Variants in AIRE observed in about 807,000 individuals in gnomAD.
AIRE encodes the protein autoimmune regulator, also known as autoimmune polyendocrinopathy candidiasis ectodermal dystrophy protein.
Under a neutral mutation model 62.1 loss-of-function variants are expected in AIRE, and 52 were observed. The observed-to-expected ratio is 0.84, with a 90% CI of 0.67 to 1.06. AIRE has a LOEUF of 1.06. Ranked by LOEUF, AIRE falls within the 50% of genes least tolerant of loss-of-function variation. The pLI, the probability that AIRE is intolerant of heterozygous loss-of-function variation, is 0.00. For missense variants in AIRE, 774 were observed against 755.8 expected (o/e 1.02, Z -0.28); for synonymous variants, 342 against 321.6 (o/e 1.06, Z -0.68).
chr21:44,292,263 C>G, intron 8 of AIRE, 39 bp from the exon 9 acceptor site: 3 of 1,516,626 alleles, frequency 2.0e-6, no homozygotes, highest in Non-Finnish European at 2.7e-6. Flanking sequence ...CACCCGCTGT[C>G]TTGTTCTGCA....
chr21:44,294,696 A>G (rs2040587287), intron 12 of AIRE, among the ~76,000 whole-genome samples, 193 bp downstream of exon 12: 2 of 152,138 alleles, frequency 1.3e-5, no homozygotes. Flanking sequence ...GGCAACTTAA[A>G]TATAGTTAAA....
At position 44,286,431 on chromosome 21, in the gene AIRE, G is replaced by T; in HGVS notation, c.133-126G>T. The T allele has an allele frequency of 9.3e-7, 1 of 1,070,276 alleles. No homozygotes were observed. Among genetic ancestry groups the T allele is most frequent in the Non-Finnish European group, 1.3e-6 (1 of 742,928 alleles). 66.3% of individuals were successfully genotyped at this position (1,070,276 alleles called of 1,614,324 possible). A position where few individuals can be genotyped will look rare whatever the true frequency, so the allele number is the denominator to read the frequency against. On this transcript the variant is annotated intron_variant, in intron 1 of 13. Coordinates refer to ENST00000291582, the MANE Select transcript of AIRE (RefSeq NM_000383.4). This position sits in a 1 kb window ranked among gnomAD's most constrained non-coding sequence, Gnocchi z 6.0. The stretch of plus-strand genomic sequence containing the variant: ...TGACTCCACCACAAGCCGAGGAGAT[G>T]GGCGTGGAGCTGTCCAGGTCGCCAG...
In AIRE at chr21:44,287,726, G is replaced by T; in HGVS notation, c.538+135G>T. 1 of 951,542 alleles carries T rather than the reference G, an allele frequency of 1.1e-6. No homozygotes were observed. The allele number at this position is 951,542 out of a possible 1,614,324, so 58.9% of individuals were successfully genotyped here. Reference sequence around the variant, plus strand: ...GCTGGCCTGGTGTGTCATTCCAAGGGCCTAAGCTGCACCACCAGACCCAGG... The same window carrying T: ...GCTGGCCTGGTGTGTCATTCCAAGGTCCTAAGCTGCACCACCAGACCCAGG... On this transcript the variant is annotated intron_variant, in intron 4 of 13. Transcript: ENST00000291582. This position sits in a 1 kb window ranked among gnomAD's most constrained non-coding sequence, Gnocchi z 4.3.
chr21:44,293,448 C>G (rs563933852), intron 10 of AIRE, among the ~76,000 whole-genome samples: 4 of 152,044 alleles, frequency 2.6e-5, no homozygotes, highest in Non-Finnish European at 4.4e-5. Flanking sequence ...GAGCCCTCCC[C>G]TCCCTGCCTC....
intron 12 of AIRE, among the ~76,000 whole-genome samples, chr21:44,294,744 G>T (rs1285564092): frequency 2.6e-5 from 4 of 152,206 alleles, no homozygotes; most frequent in African/African-American, 9.7e-5. Context: ...CTGACGTCAC[G>T]GTTGGCTGTG....
At chr21:44,290,182 C>A in intron 7 of AIRE, 114 bp downstream of exon 7, 1 of 1,537,808 alleles carries the variant, frequency 6.5e-7, no homozygotes, top group East Asian at 2.4e-5. Context: ...GCCTGAGCCC[C>A]TACCCACAGG....
intron 12 of AIRE, 52 bp downstream of exon 12, chr21:44,294,555 C>A: frequency 8.9e-7 from 1 of 1,118,400 alleles, no homozygotes; most frequent in Non-Finnish European, 1.2e-6. Context: ...GTGGGGAACC[C>A]CTTGGGTTGG....
Position 44,291,213 on chromosome 21 carries a change from G to A in AIRE, c.995+3G>A, listed in dbSNP as rs372856026. 6.3e-7 allele frequency: 1 copy of A among 1,599,776 alleles called. No homozygotes were observed. The highest frequency in any genetic ancestry group is 1.3e-5 in the African/African-American group (1 of 74,826). On this transcript the variant is annotated splice_donor_region_variant and intron_variant, in intron 8 of 13. Coordinates refer to ENST00000291582, the MANE Select transcript of AIRE (RefSeq NM_000383.4). ...CCTCCGCTCCGGGAGATCCCCAGGT[G>A]AGCCTGCACCTCTGCCAGCGCAACC...
At chr21:44,289,938 A>G (rs1246534432) in intron 6 of AIRE, 50 bp from the exon 7 acceptor site, 4 of 1,600,280 alleles carry the variant, frequency 2.5e-6, no homozygotes, top group East Asian at 2.2e-5. Context: ...AGCCATGTGC[A>G]CCCTCGCTGC....
chr21:44,290,360 C>T (rs1181526108), intron 7 of AIRE: 1 of 985,424 alleles, frequency 1.0e-6, no homozygotes, highest in Non-Finnish European at 1.2e-6. Context: ...GGCCGGGCGC[C>T]CCTGCTATAG....
At position 44,297,703 on chromosome 21, in the gene AIRE, T is replaced by C. The variant is rs1160390093; in HGVS notation, c.1614T>C (p.Arg538=). 1 of 1,612,492 alleles carries C rather than the reference T, an allele frequency of 6.2e-7. No individual in the cohort carries two copies. Among genetic ancestry groups the C allele is most frequent in the Admixed American group, 1.7e-5 (1 of 60,016 alleles). The change falls in exon 14 of 14, where the codon CGT becomes CGC. Residue 538 remains arginine, a synonymous_variant. Transcript: ENST00000291582. This position sits in a 1 kb window ranked among gnomAD's most constrained non-coding sequence, Gnocchi z 4.8. ...AGTGGGCCATCCAGAGCATGGCCCGTCCGGCGGCCCCCTTCCCCTCCTGAC... is the reference window on the plus strand; with the variant it reads ...AGTGGGCCATCCAGAGCATGGCCCGCCCGGCGGCCCCCTTCCCCTCCTGAC... ...ILQWAIQSMA[R]PAAPFPS
chr21:44,293,394 C>A lies in AIRE; in HGVS notation c.1278+219C>A, dbSNP rs147924524. Among the ~76,000 whole-genome samples the A allele has an allele frequency of 4.3e-3, 653 of 152,172 alleles. 18 individuals carry two copies. The highest frequency in any genetic ancestry group is 0.039 in the Admixed American group (592 of 15,302). ...TGGCCCTGGGCATTACTGCTCCCCC[C>A]ACAAGGCAGGACAATGAAGGGGGGG... On this transcript the variant is annotated intron_variant, in intron 10 of 13. Transcript: ENST00000291582.
At position 44,286,282 on chromosome 21, in the gene AIRE, C is replaced by A. The variant is rs1028382204; in HGVS notation, c.132+144C>A. On this transcript the variant is annotated intron_variant, in intron 1 of 13. Transcript: ENST00000291582. The surrounding 1 kb of genome is among the most constrained non-coding windows in gnomAD (Gnocchi z 6.0). ...CTCCCTCCCCACAAGGAGCCAGGGG[C>A]GTCCCTGATGACAAGTTAGAAGTTG... 2 of 999,700 alleles carry A rather than the reference C, an allele frequency of 2.0e-6. No homozygotes were observed. The highest frequency in any genetic ancestry group is 1.5e-6 in the Non-Finnish European group (1 of 680,598). The allele number at this position is 999,700 out of a possible 1,614,324, so 61.9% of individuals were successfully genotyped here. A position where few individuals can be genotyped will look rare whatever the true frequency, so the allele number is the denominator to read the frequency against.
In AIRE at chr21:44,288,346, G is replaced by T; in HGVS notation, c.540G>T (p.Gly180=). Residue 180 remains glycine (G), a splice_region_variant and synonymous_variant, in exon 5 of 14, where the codon GGG becomes GGT. Coordinates refer to ENST00000291582, the MANE Select transcript of AIRE (RefSeq NM_000383.4). ...CCCAATGGGTGTTCCCTTTCCCAGG[G>T]ATTCAGACCATGTCAGCTTCAGTCC... is the stretch of plus-strand genomic sequence containing the variant. The part of the protein sequence containing the change: ...AEQQRLPLGN[G]IQTMSASVQR... 4 of 1,604,222 alleles carry T rather than the reference G, an allele frequency of 2.5e-6. No individual in the cohort carries two copies. The highest frequency in any genetic ancestry group is 3.4e-6 in the Non-Finnish European group (4 of 1,171,966).
chr21:44,296,295 ACC>A (rs2040606184), intron 12 of AIRE, 86 bp from the exon 13 acceptor site: 1 of 1,189,238 alleles, frequency 8.4e-7, no homozygotes, highest in Non-Finnish European at 1.3e-6. Context: ...TGGGGGAAAC[ACC>A]CCCGCGGCCC....
rs115383177 is a variant in AIRE, at chr21:44,296,537, G to A, written c.1566+92G>A. The A allele has an allele frequency of 1.9e-3, 2,304 of 1,212,156 alleles. 43 individuals are homozygous for A. The African/African-American group carries it at 0.031, about 16-fold the overall frequency. 75.1% of individuals were successfully genotyped at this position (1,212,156 alleles called of 1,614,324 possible). ...CTCCCCACTCTGGGGGAGGACTGCCGGCCCCCACTGCTCTTGAGCCGTGGA... is the reference window on the plus strand; with the variant it reads ...CTCCCCACTCTGGGGGAGGACTGCCAGCCCCCACTGCTCTTGAGCCGTGGA... On this transcript the variant is annotated intron_variant, in intron 13 of 13. Coordinates refer to ENST00000291582, the MANE Select transcript of AIRE (RefSeq NM_000383.4).
At position 44,293,489 on chromosome 21, in the gene AIRE, G is replaced by A. The variant is rs187537918; in HGVS notation, c.1279-300G>A. On this transcript the variant is annotated intron_variant, in intron 10 of 13. Coordinates refer to ENST00000291582, the MANE Select transcript of AIRE (RefSeq NM_000383.4). ...CCTTCCCTGCACCCCTGTGGGCACC[G>A]CCTTTCAGGAGACTCCCGCACTCAG... 3.9e-5 allele frequency among the ~76,000 whole-genome samples: 6 copies of A among 152,110 alleles called. No individual in the cohort carries two copies. In the South Asian group the frequency reaches 1.0e-3, roughly 26 times the overall value.
chr21:44,287,981 A>G lies in AIRE; in HGVS notation c.539-364A>G, dbSNP rs1314501649. On this transcript the variant is annotated intron_variant, in intron 4 of 13. Coordinates refer to ENST00000291582, the MANE Select transcript of AIRE (RefSeq NM_000383.4). The surrounding 1 kb of genome is among the most constrained non-coding windows in gnomAD (Gnocchi z 4.3). ...CTTCCCAGGGCACTGGACTCCAGAG[A>G]CCCCCTATCTCCCTGAGGGCAGAGC... 6.7e-6 allele frequency among the ~76,000 whole-genome samples: 1 copy of G among 150,232 alleles called. No homozygotes were observed. Among genetic ancestry groups the G allele is most frequent in the African/African-American group, 2.5e-5 (1 of 40,670 alleles).
At chr21:44,294,610 G>T in intron 12 of AIRE, 107 bp downstream of exon 12, 1 of 524,042 alleles carries the variant, frequency 1.9e-6, no homozygotes. Context: ...TGCCAGCTTC[G>T]AGGGCTTGCA....
Sources: gnomAD v4.1 joint callset for allele counts (sites outside exome capture counted in the v4.1 genomes callset) on GRCh38, gnomAD v4.1.1 for gene constraint, Gnocchi (gnomAD v3.1) non-coding constraint, MANE v1.5 for transcripts, NCBI Gene and HGNC (gene_info 2026-07-23, HGNC 2026-07-21) for gene names.